Variants in RUNDC3B observed in about 807,000 individuals in gnomAD.
RUNDC3B encodes the protein RUN domain containing 3B.
In RUNDC3B, 33 loss-of-function variants were observed where a neutral mutation model predicts 58.4. The ratio of observed to expected loss-of-function variants is 0.56; its 90% CI spans 0.43 to 0.75. The LOEUF (loss-of-function observed/expected upper bound fraction) is 0.75. RUNDC3B is among the 30% of genes least tolerant of loss of function. The pLI is 0.00. For missense variants in RUNDC3B, 501 were observed against 535.7 expected, an observed-to-expected ratio of 0.94 and a Z score of 0.64; for synonymous variants, 193 against 195.2, an observed-to-expected ratio of 0.99 and a Z score of 0.10.
chr7:87,716,710 A>G (rs1362119196), intron 4 of RUNDC3B, among the ~76,000 whole-genome samples: 1 of 152,230 alleles, frequency 6.6e-6, no homozygotes, highest in Non-Finnish European at 1.5e-5. Context: ...TCTAGTGAGA[A>G]GTGAAGGCTA....
At chr7:87,647,180 G>A (rs1584993342) in intron 1 of RUNDC3B, among the ~76,000 whole-genome samples, 1 of 152,102 alleles carries the variant, frequency 6.6e-6, no homozygotes. Context: ...GAATGCCATA[G>A]GGTGGCATTT....
chr7:87,694,105 T>C (rs534342087), intron 2 of RUNDC3B: 9 of 1,448,010 alleles, frequency 6.2e-6, no homozygotes, highest in Non-Finnish European at 8.2e-6. Context: ...TTTTTGTTTT[T>C]TTTTTTTAAT....
chr7:87,660,685 G>T lies in RUNDC3B; in HGVS notation c.238+9748G>T, dbSNP rs866961679. 3.3e-5 allele frequency among the ~76,000 whole-genome samples: 5 copies of T among 151,796 alleles called. No individual in the cohort carries two copies. In the South Asian group the frequency reaches 6.2e-4, roughly 19 times the overall value. On this transcript the variant is annotated intron_variant, in intron 2 of 10. Coordinates refer to ENST00000394654, the MANE Select transcript of RUNDC3B (RefSeq NM_001134405.2). ...TCTTCTTTGGCTCTATTATGTTTAT[G>T]TTGGACTCTTAGCAGATTAATTTTC...
chr7:87,789,768 GAGTAGT>G (rs1183745677), intron 8 of RUNDC3B, among the ~76,000 whole-genome samples: 2 of 152,192 alleles, frequency 1.3e-5, no homozygotes, highest in African/African-American at 2.4e-5. Context: ...CAACAGGAAA[GAGTAGT>G]AATTTGATAT....
At chr7:87,812,133 G>A (rs968634962) in intron 9 of RUNDC3B, among the ~76,000 whole-genome samples, 2 of 152,072 alleles carry the variant, frequency 1.3e-5, no homozygotes, top group African/African-American at 4.8e-5. Flanking sequence ...ATATAAGATT[G>A]TAGAAAATTA....
At chr7:87,757,636 A>G (rs1408982601) in intron 6 of RUNDC3B, among the ~76,000 whole-genome samples, 3 of 152,192 alleles carry the variant, frequency 2.0e-5, no homozygotes, top group Non-Finnish European at 4.4e-5. Flanking sequence ...AATACCAATG[A>G]CATTCTTCAC....
intron 8 of RUNDC3B, among the ~76,000 whole-genome samples, chr7:87,802,417 A>G (rs1349711994): frequency 6.6e-6 from 1 of 152,186 alleles, no homozygotes; most frequent in East Asian, 1.9e-4. Flanking sequence ...ATAAATTAAA[A>G]ATAATCATAT....
In RUNDC3B at chr7:87,771,286, C is replaced by A. The variant is rs187919403; in HGVS notation, c.798+537C>A. On this transcript the variant is annotated intron_variant, in intron 7 of 10. Coordinates refer to ENST00000394654, the MANE Select transcript of RUNDC3B (RefSeq NM_001134405.2). ...ATGATATATATATATAAGGAAAGCC[C>A]AATGGAATTAGTGATAGAAATATTC... Among the ~76,000 whole-genome samples, 6 of 151,272 alleles carry A rather than the reference C, an allele frequency of 4.0e-5. No individual in the cohort carries two copies. The East Asian group carries it at 1.2e-3, about 29-fold the overall frequency.
At chr7:87,683,554 G>C (rs938148847) in intron 2 of RUNDC3B, among the ~76,000 whole-genome samples, 2 of 152,186 alleles carry the variant, frequency 1.3e-5, no homozygotes, top group African/African-American at 4.8e-5. Context: ...AGGAGAAAGA[G>C]AGAGATGGGA....
At chr7:87,699,565 C>G (rs1828827929) in intron 2 of RUNDC3B, among the ~76,000 whole-genome samples, 1 of 152,122 alleles carries the variant, frequency 6.6e-6, no homozygotes, top group Non-Finnish European at 1.5e-5. Flanking sequence ...ACCACCATGC[C>G]CAGCTAGTTT....
chr7:87,676,123 A>T (rs1334245584), intron 2 of RUNDC3B, among the ~76,000 whole-genome samples: 4 of 152,144 alleles, frequency 2.6e-5, no homozygotes, highest in Non-Finnish European at 5.9e-5. Context: ...GCTACTCATA[A>T]GGCTGAGGCA....
At chr7:87,822,064 T>C (rs1004816224) in intron 10 of RUNDC3B, among the ~76,000 whole-genome samples, 1 of 151,870 alleles carries the variant, frequency 6.6e-6, no homozygotes, top group African/African-American at 2.4e-5. Context: ...ACTAAAGAGC[T>C]TCTGCACAGC....
At chr7:87,699,100 C>T (rs1292618423) in intron 2 of RUNDC3B, among the ~76,000 whole-genome samples, 2 of 152,054 alleles carry the variant, frequency 1.3e-5, no homozygotes, top group African/African-American at 4.8e-5. Context: ...GGTTTGGAAC[C>T]ACTCAGATAT....
At chr7:87,770,847 C>A in intron 7 of RUNDC3B, 98 bp downstream of exon 7, 2 of 761,352 alleles carry the variant, frequency 2.6e-6, no homozygotes, top group Non-Finnish European at 4.1e-6. Flanking sequence ...AATTATTTAT[C>A]CATTGCTGCT....
chr7:87,746,945 T>C (rs1832675119), intron 6 of RUNDC3B, among the ~76,000 whole-genome samples: 1 of 152,236 alleles, frequency 6.6e-6, no homozygotes, highest in African/African-American at 2.4e-5. Flanking sequence ...ATTAGCGTAA[T>C]GACTAACCTC....
At chr7:87,638,839 C>G (rs961339622) in intron 1 of RUNDC3B, among the ~76,000 whole-genome samples, 1 of 152,008 alleles carries the variant, frequency 6.6e-6, no homozygotes, top group African/African-American at 2.4e-5. Context: ...TTTTCTCTGT[C>G]GACTCCTCAG....
At chr7:87,718,810 T>C (rs1219192654) in intron 4 of RUNDC3B, among the ~76,000 whole-genome samples, 1 of 152,156 alleles carries the variant, frequency 6.6e-6, no homozygotes, top group Admixed American at 6.5e-5. Flanking sequence ...TTTTAAAGAA[T>C]GTATTGCACT....
intron 6 of RUNDC3B, among the ~76,000 whole-genome samples, chr7:87,761,441 C>G (rs552434404): frequency 3.9e-5 from 6 of 152,038 alleles, no homozygotes; most frequent in African/African-American, 1.4e-4. Context: ...AGAATTACCA[C>G]ATGATTCTGA....
intron 2 of RUNDC3B, among the ~76,000 whole-genome samples, chr7:87,687,129 G>A (rs1827544158): frequency 6.6e-6 from 1 of 152,032 alleles, no homozygotes; most frequent in South Asian, 2.1e-4. Flanking sequence ...CTCACATTCA[G>A]TTTAGATTTT....
Sources: gnomAD v4.1 joint callset for allele counts (sites outside exome capture counted in the v4.1 genomes callset) on GRCh38, gnomAD v4.1.1 for gene constraint, MANE v1.5 for transcripts, NCBI Gene and HGNC (gene_info 2026-07-23, HGNC 2026-07-21) for gene names.